ATXN1: variants seen among roughly 807,000 people sequenced by gnomAD.
The protein encoded by ATXN1 is ataxin 1, also known as ataxin-1.
A neutral mutation model predicts 56.4 loss-of-function variants in ATXN1; 8 were observed. That is an observed-to-expected ratio of 0.14 (90% confidence interval 0.08 to 0.26). ATXN1 has a LOEUF of 0.26. Ranked by LOEUF, ATXN1 falls within the 10% of genes least tolerant of loss-of-function variation. ATXN1 has a pLI of 1.00. For synonymous variants in ATXN1, 514 were observed against 494.6 expected (o/e 1.04, Z -0.52); for missense variants, 987 against 1,106.5 (o/e 0.89, Z 1.53).
chr6:16,318,394 A>C (rs956694789), intron 7 of ATXN1, among the ~76,000 whole-genome samples: 7 of 152,300 alleles, frequency 4.6e-5, no homozygotes, highest in Admixed American at 4.6e-4. Flanking sequence ...CTTTGTCTGC[A>C]AGTGAAATTC....
intron 4 of ATXN1, among the ~76,000 whole-genome samples, chr6:16,560,456 T>A (rs1762095571): frequency 6.6e-6 from 1 of 151,824 alleles, no homozygotes; most frequent in South Asian, 2.1e-4. Flanking sequence ...AAATAAAAAA[T>A]AAAATGTCCT....
chr6:16,704,775 T>C (rs1455337781), intron 2 of ATXN1, among the ~76,000 whole-genome samples: 3 of 152,110 alleles, frequency 2.0e-5, no homozygotes, highest in Non-Finnish European at 4.4e-5. Context: ...AGAGCTGAAG[T>C]GATCAAATGC....
intron 5 of ATXN1, among the ~76,000 whole-genome samples, chr6:16,522,406 G>A (rs1262735675): frequency 1.3e-5 from 2 of 152,082 alleles, no homozygotes; most frequent in East Asian, 3.8e-4. Flanking sequence ...CAAAGCATGT[G>A]AACGGCAAAA....
intron 6 of ATXN1, among the ~76,000 whole-genome samples, chr6:16,477,835 T>C (rs968297601): frequency 1.3e-5 from 2 of 152,164 alleles, no homozygotes; most frequent in Non-Finnish European, 2.9e-5. Context: ...AGAAAGACCA[T>C]GTGGTCCATG....
At chr6:16,571,089 T>A (rs719420) in intron 4 of ATXN1, among the ~76,000 whole-genome samples, 69,823 of 151,516 alleles carry the variant, frequency 0.46, 18,691 homozygotes, top group East Asian at 0.73. Flanking sequence ...ACCTTGCAAT[T>A]GCTATGAGAA....
intron 4 of ATXN1, among the ~76,000 whole-genome samples, chr6:16,524,004 G>A (rs1761343669): frequency 1.3e-5 from 2 of 152,354 alleles, no homozygotes; most frequent in South Asian, 4.1e-4. Context: ...CTGATGTTCT[G>A]TGGGCAAGTT....
chr6:16,639,048 C>G (rs911538936), intron 3 of ATXN1, among the ~76,000 whole-genome samples: 7 of 152,166 alleles, frequency 4.6e-5, no homozygotes, highest in Non-Finnish European at 1.0e-4. Flanking sequence ...AATCAGCGCT[C>G]TGTAGCTAGC....
chr6:16,310,575 C>A (rs1042464612), intron 7 of ATXN1, among the ~76,000 whole-genome samples: 2 of 152,140 alleles, frequency 1.3e-5, no homozygotes, highest in African/African-American at 4.8e-5. Flanking sequence ...CTCCGCCTCC[C>A]GGGTTCAAGC....
chr6:16,345,748 G>C (rs539487721), intron 6 of ATXN1, among the ~76,000 whole-genome samples: 1 of 152,236 alleles, frequency 6.6e-6, no homozygotes, highest in African/African-American at 2.4e-5. Flanking sequence ...ATGGACAATG[G>C]GATGACTCGC....
At chr6:16,699,648 T>A (rs1759240402) in intron 2 of ATXN1, among the ~76,000 whole-genome samples, 1 of 152,190 alleles carries the variant, frequency 6.6e-6, no homozygotes. Flanking sequence ...CTACACTGCA[T>A]GAGCCAGCAG....
intron 2 of ATXN1, chr6:16,739,999 A>G (rs1224901893): frequency 2.4e-6 from 1 of 415,090 alleles, no homozygotes; most frequent in East Asian, 7.3e-5. Flanking sequence ...CTCCTGGGGG[A>G]AAAGCTGTAA....
intron 2 of ATXN1, among the ~76,000 whole-genome samples, chr6:16,717,687 T>C (rs927804000): frequency 1.3e-5 from 2 of 152,206 alleles, no homozygotes; most frequent in African/African-American, 4.8e-5. Flanking sequence ...CTCGTGGGTC[T>C]GAGGATATGC....
chr6:16,474,739 G>A (rs370004256), intron 6 of ATXN1, among the ~76,000 whole-genome samples: 7 of 152,148 alleles, frequency 4.6e-5, no homozygotes, highest in African/African-American at 1.7e-4. Flanking sequence ...GCTGGTCATG[G>A]TGTAAAGGAA....
At chr6:16,421,562 T>A (rs1051653531) in intron 6 of ATXN1, among the ~76,000 whole-genome samples, 1 of 148,798 alleles carries the variant, frequency 6.7e-6, no homozygotes, top group Non-Finnish European at 1.5e-5. Flanking sequence ...GGCTGTAGAG[T>A]TCAACACTGG....
intron 7 of ATXN1, among the ~76,000 whole-genome samples, chr6:16,324,270 C>T (rs1760751937): frequency 6.6e-6 from 1 of 152,128 alleles, no homozygotes; most frequent in African/African-American, 2.4e-5. Context: ...CAGCAAGACC[C>T]CATCTCTACT....
At chr6:16,417,196 T>G (rs1581748033) in intron 6 of ATXN1, among the ~76,000 whole-genome samples, 1 of 152,100 alleles carries the variant, frequency 6.6e-6, no homozygotes, top group South Asian at 2.1e-4. Flanking sequence ...CATGCTAGGC[T>G]ACTTAAAAAA....
intron 5 of ATXN1, among the ~76,000 whole-genome samples, chr6:16,510,714 G>T (rs965600230): frequency 1.3e-5 from 2 of 151,962 alleles, no homozygotes; most frequent in African/African-American, 4.8e-5. Flanking sequence ...CTCCAGCCTG[G>T]GTGACAGAGT....
At chr6:16,710,036 A>C (rs1011874538) in intron 2 of ATXN1, among the ~76,000 whole-genome samples, 6 of 152,196 alleles carry the variant, frequency 3.9e-5, no homozygotes, top group African/African-American at 2.4e-5. Context: ...AATTCTTAGA[A>C]AAAAGAGAAT....
At chr6:16,535,188 A>G (rs1378040684) in intron 4 of ATXN1, among the ~76,000 whole-genome samples, 1 of 152,198 alleles carries the variant, frequency 6.6e-6, no homozygotes, top group Admixed American at 6.5e-5. Context: ...AACTCCCACA[A>G]AAGGAAGAGG....
Sources: gnomAD v4.1 joint callset for allele counts (sites outside exome capture counted in the v4.1 genomes callset) on GRCh38, gnomAD v4.1.1 for gene constraint, MANE v1.5 for transcripts, NCBI Gene and HGNC (gene_info 2026-07-23, HGNC 2026-07-21) for gene names.